The following ERI3 variants were observed in gnomAD, a reference collection of about 807,000 sequenced individuals.
ERI3 encodes the protein ERI1 exoribonuclease family member 3.
ERI3 carries 18 observed loss-of-function variants against 44.4 expected under a neutral mutation model. The ratio of observed to expected loss-of-function variants is 0.41; its 90% CI spans 0.28 to 0.60. ERI3 has a LOEUF of 0.60. Among genes scored for constraint, ERI3 ranks in the 20% least tolerant of loss-of-function variants. ERI3 has a pLI of 0.36. For missense variants in ERI3, 294 were observed against 435.5 expected, an observed-to-expected ratio of 0.68 and a Z score of 2.89; for synonymous variants, 183 against 164.8, an observed-to-expected ratio of 1.11 and a Z score of -0.84.
At chr1:44,331,430 C>T (rs1050367362) in intron 3 of ERI3, among the ~76,000 whole-genome samples, 2 of 152,180 alleles carry the variant, frequency 1.3e-5, no homozygotes, top group Middle Eastern at 3.4e-3. Context: ...CCTGATAATG[C>T]CTCAGAGCCT....
At chr1:44,226,330 G>C (rs1238853386) in intron 8 of ERI3, among the ~76,000 whole-genome samples, 2 of 152,244 alleles carry the variant, frequency 1.3e-5, no homozygotes, top group East Asian at 3.9e-4. Flanking sequence ...TTCTGAGAAT[G>C]ATGGACATTG....
chr1:44,325,407 C>T (rs1184110564), intron 3 of ERI3, among the ~76,000 whole-genome samples: 2 of 151,956 alleles, frequency 1.3e-5, no homozygotes, highest in African/African-American at 4.8e-5. Context: ...AGCTAGGAAC[C>T]CCCAATGATT....
chr1:44,244,513 C>G (rs1353446342), intron 8 of ERI3, among the ~76,000 whole-genome samples: 3 of 152,142 alleles, frequency 2.0e-5, no homozygotes, highest in East Asian at 3.9e-4. Context: ...ATTTCTAGCA[C>G]CTACCATGGT....
chr1:44,285,005 G>C, intron 6 of ERI3, 98 bp from the exon 7 acceptor site: 3 of 1,024,336 alleles, frequency 2.9e-6, no homozygotes, highest in Non-Finnish European at 4.5e-6. Flanking sequence ...AAGACAAACA[G>C]ACCTCAAAAG....
At position 44,313,335 on chromosome 1, in the gene ERI3, C is replaced by T. The variant is rs1251672443; in HGVS notation, c.607-107G>A. The stretch of plus-strand genomic sequence containing the variant: ...TTTTCTCCTTCTGTTGTAAAGGGCT[C>T]TGATCTGGCACTGCTTTAGGTTCAG... On this transcript the variant is annotated intron_variant, in intron 4 of 8. Coordinates refer to ENST00000372257, the MANE Select transcript of ERI3 (RefSeq NM_024066.3). 8 of 1,031,674 alleles carry T rather than the reference C, an allele frequency of 7.8e-6. No homozygotes were observed. The African/African-American group carries it at 1.3e-4, about 17-fold the overall frequency. The allele number at this position is 1,031,674 out of a possible 1,614,324, so 63.9% of individuals were successfully genotyped here.
chr1:44,271,351 G>C (rs1409162251), intron 7 of ERI3, among the ~76,000 whole-genome samples: 1 of 152,134 alleles, frequency 6.6e-6, no homozygotes, highest in African/African-American at 2.4e-5. Context: ...CCTTTGCCTG[G>C]ATGCACTTGC....
intron 8 of ERI3, among the ~76,000 whole-genome samples, chr1:44,236,198 G>A (rs1644300649): frequency 1.3e-5 from 2 of 152,120 alleles, no homozygotes; most frequent in Non-Finnish European, 2.9e-5. Flanking sequence ...GCACCCAGGG[G>A]TGGGCCAGGG....
At chr1:44,282,037 A>G (rs1490055836) in intron 7 of ERI3, among the ~76,000 whole-genome samples, 2 of 151,998 alleles carry the variant, frequency 1.3e-5, no homozygotes, top group Non-Finnish European at 2.9e-5. Flanking sequence ...AAGATCATTC[A>G]ATGACATTCC....
At chr1:44,352,781 C>T (rs2154332611) in intron 2 of ERI3, 69 bp downstream of exon 2, 2 of 1,568,094 alleles carry the variant, frequency 1.3e-6, no homozygotes, top group East Asian at 4.5e-5. Flanking sequence ...AGCCCCCACC[C>T]CCTACCCTCC....
At chr1:44,310,789 G>A (rs972373027) in intron 5 of ERI3, among the ~76,000 whole-genome samples, 41 of 151,290 alleles carry the variant, frequency 2.7e-4, no homozygotes, top group South Asian at 6.3e-4. Flanking sequence ...GCTGCTCCCC[G>A]GTGCCAGACT....
At chr1:44,259,689 G>GACAC (rs58901342) in intron 7 of ERI3, among the ~76,000 whole-genome samples, 3,585 of 140,334 alleles carry the variant, frequency 0.026, 73 homozygotes, top group Middle Eastern at 0.04. Flanking sequence ...AAAACACACA[G>GACAC]ACACACACAC....
intron 7 of ERI3, among the ~76,000 whole-genome samples, chr1:44,267,539 T>C (rs879342559): frequency 3.9e-5 from 6 of 152,224 alleles, no homozygotes; most frequent in African/African-American, 9.6e-5. Context: ...ACACTCCCCA[T>C]AGGCAGCTCA....
At chr1:44,223,272 C>T (rs1163508151) in intron 8 of ERI3, among the ~76,000 whole-genome samples, 3 of 152,148 alleles carry the variant, frequency 2.0e-5, no homozygotes, top group African/African-American at 7.2e-5. Context: ...GCTGAGGCCC[C>T]ATCATTTGTC....
intron 2 of ERI3, among the ~76,000 whole-genome samples, chr1:44,349,716 C>T (rs1646854189): frequency 6.6e-6 from 1 of 152,222 alleles, no homozygotes; most frequent in African/African-American, 2.4e-5. Context: ...TATCAAGACA[C>T]TGTGCAAAGA....
At chr1:44,281,870 ATGTGCATATG>A in intron 7 of ERI3, among the ~76,000 whole-genome samples, 1 of 139,790 alleles carries the variant, frequency 7.2e-6, no homozygotes, top group South Asian at 2.3e-4. Context: ...ATATTTATAC[ATGTGCATATG>A]TGTGTGTGTG....
chr1:44,246,431 T>C (rs1572101935), intron 8 of ERI3, among the ~76,000 whole-genome samples: 1 of 152,350 alleles, frequency 6.6e-6, no homozygotes, highest in African/African-American at 2.4e-5. Context: ...TCTAGATTGT[T>C]TGGAAAACAT....
chr1:44,275,710 T>G (rs1645168156), intron 7 of ERI3, among the ~76,000 whole-genome samples: 1 of 152,180 alleles, frequency 6.6e-6, no homozygotes, highest in Non-Finnish European at 1.5e-5. Context: ...AGCAGCAATC[T>G]TCATACCCTG....
At chr1:44,350,669 T>A (rs1646870540) in intron 2 of ERI3, among the ~76,000 whole-genome samples, 1 of 152,200 alleles carries the variant, frequency 6.6e-6, no homozygotes, top group Non-Finnish European at 1.5e-5. Flanking sequence ...AGTAGATGGG[T>A]AGGAAGTTAG....
intron 2 of ERI3, among the ~76,000 whole-genome samples, chr1:44,347,543 C>A (rs1179319338): frequency 6.6e-6 from 1 of 152,200 alleles, no homozygotes; most frequent in Non-Finnish European, 1.5e-5. Context: ...CAAATTATGA[C>A]TCCTTCCTTA....
Sources: gnomAD v4.1 joint callset for allele counts (sites outside exome capture counted in the v4.1 genomes callset) on GRCh38, gnomAD v4.1.1 for gene constraint, MANE v1.5 for transcripts, NCBI Gene and HGNC (gene_info 2026-07-23, HGNC 2026-07-21) for gene names.